The following EML2 variants were observed in gnomAD, a reference collection of about 807,000 sequenced individuals.
EML2 encodes the protein EMAP like 2.
EML2 carries 59 observed loss-of-function variants against 84.7 expected under a neutral mutation model. That is an observed-to-expected ratio of 0.70 (90% confidence interval 0.56 to 0.86). The LOEUF (loss-of-function observed/expected upper bound fraction) is 0.86, where lower values mean the gene tolerates loss of function less well. EML2 is among the 40% of genes least tolerant of loss of function. The pLI is 0.00. For missense variants in EML2, 818 were observed against 855.6 expected, an observed-to-expected ratio of 0.96 and a Z score of 0.55; for synonymous variants, 352 against 348.9, an observed-to-expected ratio of 1.01 and a Z score of -0.10.
chr19:45,634,336 G>C lies in EML2; in HGVS notation c.315C>G (p.Asn105Lys). ...CCACATCTCACCATTTGATGTCATC[G>C]TTGTGTCCCAGGTAGTGTCGCTGCC... ...EQRQRHYLGH[N>K]DDIKCLAIHP... is the part of the protein sequence containing the mutation. The change falls in exon 4 of 19, where the codon AAC becomes AAG. Residue 105 changes from asparagine to lysine, a missense_variant. Coordinates refer to ENST00000245925, the MANE Select transcript of EML2 (RefSeq NM_012155.4). 1.9e-6 allele frequency: 3 copies of C among 1,613,240 alleles called. No homozygotes were observed. The highest frequency in any genetic ancestry group is 2.5e-6 in the Non-Finnish European group (3 of 1,179,520).
chr19:45,641,832 T>TCTG, upstream of EML2: 2 of 1,501,086 alleles, frequency 1.3e-6, no homozygotes, highest in South Asian at 2.5e-5. Flanking sequence ...CCCTGCACCC[T>TCTG]CTGCTGCTGG....
At chr19:45,610,902 GGCATAAATAGAAGAAATA>G (rs1568426123) in intron 18 of EML2, among the ~76,000 whole-genome samples, 1 of 152,136 alleles carries the variant, frequency 6.6e-6, no homozygotes, top group Non-Finnish European at 1.5e-5. Context: ...GCAAGTTAAT[GGCATAAATAGAAGAAATA>G]GCATGCACGT....
upstream of EML2, chr19:45,642,289 C>T (rs1224113644): frequency 3.9e-6 from 6 of 1,535,816 alleles, no homozygotes; most frequent in Admixed American, 1.2e-4. Context: ...TAACTGCAGC[C>T]GCTGCTCCAG....
chr19:45,621,236 C>A lies in EML2; in HGVS notation c.1093G>T (p.Val365Leu), dbSNP rs766941141. 1.1e-5 allele frequency: 17 copies of A among 1,613,920 alleles called. No homozygotes were observed. In the East Asian group the frequency reaches 3.8e-4, roughly 36 times the overall value. The change falls in exon 11 of 19, where the codon GTG becomes TTG. Residue 365 changes from valine to leucine, a missense_variant. Physicochemically the swap from Val to Leu is conservative, Grantham distance 32. Coordinates refer to ENST00000245925, the MANE Select transcript of EML2 (RefSeq NM_012155.4). ...TTRNSILQGS[V>L]HTGFSLLVQG... ...ACCAGCAGTGAGAAGCCTGTGTGCA[C>A]GGAGCCCTGCAGGATGGAATTGCGG...
intron 10 of EML2, 32 bp downstream of exon 10, chr19:45,621,451 T>C (rs1309634153): frequency 3.1e-6 from 5 of 1,598,980 alleles, no homozygotes; most frequent in Admixed American, 3.4e-5. Flanking sequence ...GGGGCCTCTC[T>C]ACCCCCATCT....
intron 8 of EML2, among the ~76,000 whole-genome samples, chr19:45,626,289 G>C (rs773209963): frequency 6.6e-6 from 1 of 151,884 alleles, no homozygotes; most frequent in Non-Finnish European, 1.5e-5. Context: ...TGGGATTACA[G>C]GCGAGAGCCA....
intron 15 of EML2, chr19:45,616,163 T>A: frequency 1.8e-6 from 1 of 555,418 alleles, no homozygotes; most frequent in Admixed American, 3.1e-5. Flanking sequence ...AGGAGCTGGC[T>A]TTGAATGTTG....
At position 45,637,877 on chromosome 19, in the gene EML2, A is replaced by G. The variant is rs377287707; in HGVS notation, c.179+628T>C. Among the ~76,000 whole-genome samples, 165 of 152,096 alleles carry G rather than the reference A, an allele frequency of 1.1e-3. 3 individuals carry two copies. The highest frequency in any genetic ancestry group is 3.8e-3 in the African/African-American group (157 of 41,470). Reference sequence around the variant, plus strand: ...TTTTTAGTAGAGACAGGATTTCATCATATTGGTCAGGCTGGTCTCAAACTC... The same window carrying G: ...TTTTTAGTAGAGACAGGATTTCATCGTATTGGTCAGGCTGGTCTCAAACTC... On this transcript the variant is annotated intron_variant, in intron 3 of 18. Coordinates refer to ENST00000245925, the MANE Select transcript of EML2 (RefSeq NM_012155.4).
At chr19:45,621,424 C>A in intron 10 of EML2, 59 bp downstream of exon 10, 2 of 1,582,764 alleles carry the variant, frequency 1.3e-6, no homozygotes, top group Non-Finnish European at 8.6e-7. Context: ...GCGTTGGGAG[C>A]CCTGGTGAGA....
At chr19:45,642,262 G>C (rs1216761315), upstream of EML2, 1 of 1,535,962 alleles carries the variant, frequency 6.5e-7, no homozygotes, top group Non-Finnish European at 8.7e-7. Flanking sequence ...CTTTAGGACC[G>C]CCAGCTCGTC....
In EML2 at chr19:45,620,331, T is replaced by C. The variant is rs141316446; in HGVS notation, c.1122+876A>G. On this transcript the variant is annotated intron_variant, in intron 11 of 18. Coordinates refer to ENST00000245925, the MANE Select transcript of EML2 (RefSeq NM_012155.4). ...TGTTTCACCATGTTGCCCAGGCTGG[T>C]CTTGACTCCTGATGTCAAGTGATCT... Among the ~76,000 whole-genome samples the C allele has an allele frequency of 1.9e-3, 291 of 152,106 alleles. 2 individuals carry two copies. The highest frequency in any genetic ancestry group is 6.7e-3 in the African/African-American group (276 of 41,502).
At chr19:45,629,890 C>T in intron 7 of EML2, 61 bp downstream of exon 7, 1 of 1,335,432 alleles carries the variant, frequency 7.5e-7, no homozygotes, top group Non-Finnish European at 1.1e-6. Context: ...CTCCTAACCA[C>T]TGAGATTGGG....
intron 3 of EML2, among the ~76,000 whole-genome samples, chr19:45,634,740 T>C (rs1973521546): frequency 6.6e-6 from 1 of 151,750 alleles, no homozygotes; most frequent in Non-Finnish European, 1.5e-5. Flanking sequence ...TTTTTGTATT[T>C]TTAGTAGAGA....
chr19:45,625,570 G>A lies in EML2; in HGVS notation c.742-752C>T, dbSNP rs558142431. 2.5e-3 allele frequency among the ~76,000 whole-genome samples: 383 copies of A among 152,130 alleles called. 3 individuals carry two copies. The highest frequency in any genetic ancestry group is 8.3e-3 in the African/African-American group (346 of 41,540). ...TCCCCCTGACTTCTCCCCTCCTGTC[G>A]GCGCCTCATTCATCCTGTCTCTCCT... On this transcript the variant is annotated intron_variant, in intron 8 of 18. Coordinates refer to ENST00000245925, the MANE Select transcript of EML2 (RefSeq NM_012155.4).
chr19:45,621,014 C>A, intron 11 of EML2, 193 bp downstream of exon 11: 1 of 859,570 alleles, frequency 1.2e-6, no homozygotes. Flanking sequence ...GGGCCTGGGG[C>A]CCCTCTGCTG....
chr19:45,634,230 G>A (rs1973431801), intron 4 of EML2, 92 bp downstream of exon 4: 1 of 1,556,954 alleles, frequency 6.4e-7, no homozygotes, highest in Non-Finnish European at 8.8e-7. Flanking sequence ...AACCCCACAG[G>A]GTAGCAATGT....
At position 45,614,477 on chromosome 19, in the gene EML2, C is replaced by A. The variant is rs1415782902; in HGVS notation, c.1693+128G>T. 7.8e-6 allele frequency: 6 copies of A among 771,136 alleles called. No homozygotes were observed. In the Admixed American group the frequency reaches 9.9e-5, roughly 13 times the overall value. 47.8% of individuals were successfully genotyped at this position (771,136 alleles called of 1,614,324 possible). On this transcript the variant is annotated intron_variant, in intron 17 of 18. Transcript: ENST00000245925. Reference sequence around the variant, plus strand: ...CCTACCCTTTCCTCTTACACAAATACAGCCCACATGCAGTAAAGCAGTGAG... The same window carrying A: ...CCTACCCTTTCCTCTTACACAAATAAAGCCCACATGCAGTAAAGCAGTGAG...
At chr19:45,645,285 G>C (rs772902964), upstream of EML2, 2 of 1,533,524 alleles carry the variant, frequency 1.3e-6, no homozygotes, top group South Asian at 2.4e-5. Flanking sequence ...TTGCAGTATC[G>C]CAGCAGCGAG....
At chr19:45,639,643 A>G (rs73570970), upstream of EML2, among the ~76,000 whole-genome samples, 6,446 of 152,208 alleles carry the variant, frequency 0.042, 468 homozygotes, top group African/African-American at 0.15. Context: ...AATTCCTAGC[A>G]GTGTACACAG....
Sources: gnomAD v4.1 joint callset for allele counts (sites outside exome capture counted in the v4.1 genomes callset) on GRCh38, gnomAD v4.1.1 for gene constraint, MANE v1.5 for transcripts, NCBI Gene and HGNC (gene_info 2026-07-23, HGNC 2026-07-21) for gene names.